Variants in TEAD3 observed in about 807,000 individuals in gnomAD.
TEAD3 encodes the protein TEA domain transcription factor 3.
TEAD3 carries 15 observed loss-of-function variants against 55.6 expected under a neutral mutation model. That is an observed-to-expected ratio of 0.27 (90% CI 0.18 to 0.42). The LOEUF (loss-of-function observed/expected upper bound fraction) is 0.42, where lower values mean the gene tolerates loss of function less well. TEAD3 is among the 10% of genes least tolerant of loss of function. The pLI is 1.00. For missense variants in TEAD3, 407 were observed against 576.8 expected (o/e 0.71, Z 3.01); for synonymous variants, 210 against 232.2 (o/e 0.90, Z 0.87).
In TEAD3 at chr6:35,475,307, A is replaced by G. The variant is rs1768120072; in HGVS notation, c.1194+29T>C. 6.2e-7 allele frequency: 1 copy of G among 1,608,814 alleles called. No individual in the cohort carries two copies. Among genetic ancestry groups the G allele is most frequent in the Non-Finnish European group, 8.5e-7 (1 of 1,176,862 alleles). On this transcript the variant is annotated intron_variant, in intron 12 of 12. Coordinates refer to ENST00000639578, the Ensembl canonical transcript of TEAD3. This position sits in a 1 kb window ranked among gnomAD's most constrained non-coding sequence, Gnocchi z 5.4. The stretch of plus-strand genomic sequence containing the variant: ...CAACTTGGAGGCCCTGGCCTGTGGG[A>G]CTCCCCACGACCCCTGCTGCCCCCA...
At chr6:35,480,502 AC>A in intron 3 of TEAD3, 128 bp from the exon 4 acceptor site, 1 of 948,588 alleles carries the variant, frequency 1.1e-6, no homozygotes, top group Non-Finnish European at 1.6e-6. Context: ...AAATGGGGGG[AC>A]CTTTTTTCTT....
chr6:35,477,372 G>A, exon 8 of TEAD3: 1 of 1,601,106 alleles, frequency 6.2e-7, no homozygotes. Context: ...AGGGCTTGAT[G>A]CTGCAGACAG....
At chr6:35,479,404 C>T (rs1413615462) in intron 4 of TEAD3, 88 bp from the exon 5 acceptor site, 2 of 1,539,566 alleles carry the variant, frequency 1.3e-6, no homozygotes, top group African/African-American at 2.7e-5. Flanking sequence ...TACCTCCACC[C>T]AGTGCCCATG....
chr6:35,495,521 G>T (rs1444092621), intron 1 of TEAD3, among the ~76,000 whole-genome samples: 1 of 152,114 alleles, frequency 6.6e-6, no homozygotes, highest in African/African-American at 2.4e-5. Context: ...ACCCTTACTG[G>T]ACAGCCTTGT....
chr6:35,495,260 C>T (rs1768616436), intron 1 of TEAD3, among the ~76,000 whole-genome samples: 2 of 152,204 alleles, frequency 1.3e-5, no homozygotes, highest in African/African-American at 2.4e-5. Context: ...GCAGAAAGTG[C>T]CAGGGTCTAC....
Position 35,475,709 on chromosome 6 carries a change from G to A in TEAD3, c.901-3C>T. On this transcript the variant is annotated splice_region_variant and splice_polypyrimidine_tract_variant and intron_variant, in intron 10 of 12. Transcript: ENST00000639578. The surrounding 1 kb of genome is among the most constrained non-coding windows in gnomAD (Gnocchi z 5.4). Reference sequence around the variant, plus strand: ...TGGATGGTGCTGTTGAGGTCGGCCTGGGCATGGGGGTGGGGGGTGTTAGGT... The same window carrying A: ...TGGATGGTGCTGTTGAGGTCGGCCTAGGCATGGGGGTGGGGGGTGTTAGGT... 2.5e-6 allele frequency: 4 copies of A among 1,584,318 alleles called. No individual in the cohort carries two copies. Among genetic ancestry groups the A allele is most frequent in the Non-Finnish European group, 3.4e-6 (4 of 1,163,950 alleles).
At chr6:35,487,043 A>C (rs1314216921) in intron 1 of TEAD3, among the ~76,000 whole-genome samples, 1 of 152,244 alleles carries the variant, frequency 6.6e-6, no homozygotes, top group Non-Finnish European at 1.5e-5. Flanking sequence ...CATAATACTC[A>C]AGAAATAGGT....
rs1371462093 is a variant in TEAD3 at position 35,485,140 on chromosome 6, T to G, written c.203-516A>C. 6.6e-6 allele frequency among the ~76,000 whole-genome samples: 1 copy of G among 152,178 alleles called. No individual in the cohort carries two copies. Among genetic ancestry groups the G allele is most frequent in the East Asian group, 1.9e-4 (1 of 5,200 alleles). On this transcript the variant is annotated intron_variant, in intron 2 of 12. Coordinates refer to ENST00000639578, the Ensembl canonical transcript of TEAD3. The surrounding 1 kb of genome is among the most constrained non-coding windows in gnomAD (Gnocchi z 4.3). ...TCTGTCTTTACCCTGGTCAAGTCCC[T>G]TCCCTTCTCTGGTAAAAGACCAGGA...
rs557802489 is a variant in TEAD3 at position 35,480,446 on chromosome 6, C to T, written c.268-324G>A. The T allele has an allele frequency of 3.0e-4, 468 of 1,546,642 alleles. 4 individuals are homozygous for T. In the African/African-American group the frequency reaches 5.0e-3, roughly 17 times the overall value. On this transcript the variant is annotated intron_variant, in intron 3 of 12. Transcript: ENST00000639578. ...AGGAGGCACAGCCATGGGGTGGCCG[C>T]GGGCAAGGAGCATCCCAGACCTCTC...
intron 8 of TEAD3, among the ~76,000 whole-genome samples, 199 bp downstream of exon 8, chr6:35,477,112 C>T (rs1275894349): frequency 6.6e-6 from 1 of 152,198 alleles, no homozygotes; most frequent in African/African-American, 2.4e-5. Flanking sequence ...TGAGCCACCA[C>T]GCCTGGCTTG....
chr6:35,490,886 G>A (rs1768501315), intron 1 of TEAD3, among the ~76,000 whole-genome samples: 1 of 152,152 alleles, frequency 6.6e-6, no homozygotes, highest in Non-Finnish European at 1.5e-5. Flanking sequence ...GCAAGCCCTG[G>A]GCTGCTGGCT....
chr6:35,478,626 C>G, intron 5 of TEAD3, 55 bp from the exon 6 acceptor site: 1 of 1,536,706 alleles, frequency 6.5e-7, no homozygotes, highest in Non-Finnish European at 8.8e-7. Context: ...GCCAGGCTTG[C>G]TTTAGCGCCC....
At position 35,475,149 on chromosome 6, in the gene TEAD3, C is replaced by A. The variant is rs749509853; in HGVS notation, c.1203G>T (p.Thr401=). 2.5e-6 allele frequency: 4 copies of A among 1,580,594 alleles called. No individual in the cohort carries two copies. Among genetic ancestry groups the A allele is most frequent in the Non-Finnish European group, 3.4e-6 (4 of 1,162,902 alleles). ...GCAGGGTCTCCTGGGAGTCCCGGCT[C>A]GTGACCACCTGGGGGGTGAGCAGGT... is the stretch of plus-strand genomic sequence containing the variant. Residue 401 remains threonine (T), a synonymous_variant, in exon 13 of 13, where the codon ACG becomes ACT. Coordinates refer to ENST00000639578, the Ensembl canonical transcript of TEAD3. The surrounding 1 kb of genome is among the most constrained non-coding windows in gnomAD (Gnocchi z 5.4).
chr6:35,487,685 T>C (rs746586446), intron 1 of TEAD3, among the ~76,000 whole-genome samples: 1 of 151,690 alleles, frequency 6.6e-6, no homozygotes, highest in Non-Finnish European at 1.5e-5. Flanking sequence ...ATAGCACCAC[T>C]GCACTCCAGC....
intron 3 of TEAD3, among the ~76,000 whole-genome samples, chr6:35,481,905 C>A (rs1768274453): frequency 6.6e-6 from 1 of 152,232 alleles, no homozygotes. Context: ...CTCTTTTGTC[C>A]ATATGGAGGC....
At chr6:35,478,239 G>A (rs766557369) in intron 7 of TEAD3, 36 bp downstream of exon 7, 2 of 1,611,798 alleles carry the variant, frequency 1.2e-6, no homozygotes, top group East Asian at 4.5e-5. Context: ...GCTGCCAGGA[G>A]GAAGAGGGCG....
chr6:35,488,724 T>C lies in TEAD3; in HGVS notation c.-49-2013A>G, dbSNP rs183091407. Among the ~76,000 whole-genome samples, 8 of 152,288 alleles carry C rather than the reference T, an allele frequency of 5.3e-5. No individual in the cohort carries two copies. The highest frequency in any genetic ancestry group is 1.5e-5 in the Non-Finnish European group (1 of 68,026). ...TATTTTTTTTCTTTTTTAAATTTTT[T>C]ATTTGTTTTTTATTTTTTAGACGGA... On this transcript the variant is annotated intron_variant, in intron 1 of 12. Coordinates refer to ENST00000639578, the Ensembl canonical transcript of TEAD3. The surrounding 1 kb of genome is among the most constrained non-coding windows in gnomAD (Gnocchi z 4.2).
chr6:35,477,407 C>T, intron 7 of TEAD3, 35 bp from the exon 8 acceptor site: 1 of 1,583,378 alleles, frequency 6.3e-7, no homozygotes, highest in Non-Finnish European at 8.5e-7. Flanking sequence ...GAGAGGGTTC[C>T]CTCTTCCCTA....
chr6:35,478,281 G>A lies in TEAD3; in HGVS notation c.524C>T (p.Ser175Phe), dbSNP rs751257356. The A allele has an allele frequency of 2.4e-5, 38 of 1,613,524 alleles. No individual in the cohort carries two copies. The highest frequency in any genetic ancestry group is 2.7e-5 in the Non-Finnish European group (32 of 1,179,892). The stretch of plus-strand genomic sequence containing the variant: ...GATGAGCCACAATACTCACTCCTGA[G>A]AGGGTCCAGGCTGCTGTCCCAGGAG... Residue 175 changes from serine (S) to phenylalanine (F), a missense_variant, in exon 7 of 13, where the codon TCT (serine) becomes TTT (phenylalanine). Transcript: ENST00000639578.
Sources: allele counts gnomAD v4.1 joint callset (sites outside exome capture counted in the v4.1 genomes callset), GRCh38; gene constraint gnomAD v4.1.1; non-coding constraint Gnocchi (gnomAD v3.1); transcripts MANE v1.5; gene names NCBI Gene and HGNC (gene_info 2026-07-23, HGNC 2026-07-21).